RGS6: variants seen among roughly 807,000 people sequenced by gnomAD.
The protein encoded by RGS6 is regulator of G-protein signaling 6.
Under a neutral mutation model 78.5 loss-of-function variants are expected in RGS6, and 30 were observed. The ratio of observed to expected loss-of-function variants is 0.38; its 90% CI spans 0.29 to 0.52. RGS6 has a LOEUF of 0.52. RGS6 is among the 20% of genes least tolerant of loss of function. The probability of loss-of-function intolerance (pLI) is 0.85; values close to 1 mark genes in which losing one functional copy is unlikely to be tolerated. For missense variants in RGS6, 495 were observed against 609.7 expected (o/e 0.81, Z 1.98); for synonymous variants, 206 against 206.0 (o/e 1.00, Z 0.00).
chr14:72,470,652 G>GT (rs1272530542), intron 8 of RGS6, among the ~76,000 whole-genome samples: 4 of 151,738 alleles, frequency 2.6e-5, no homozygotes, highest in Admixed American at 2.6e-4. Flanking sequence ...CCGAGGTGGG[G>GT]GTGGATCACC....
chr14:72,364,478 A>G (rs2082096652), intron 3 of RGS6, among the ~76,000 whole-genome samples: 1 of 152,330 alleles, frequency 6.6e-6, no homozygotes, highest in Admixed American at 6.5e-5. Flanking sequence ...CAGACTTTCT[A>G]GCCATTTGAG....
In RGS6 at chr14:72,294,092, G is replaced by A. The variant is rs144096634; in HGVS notation, c.85-58003G>A. Among the ~76,000 whole-genome samples, 568 of 152,298 alleles carry A rather than the reference G, an allele frequency of 3.7e-3. 1 individual carries two copies. The highest frequency in any genetic ancestry group is 5.0e-3 in the Non-Finnish European group (343 of 68,030). On this transcript the variant is annotated intron_variant, in intron 2 of 17. Coordinates refer to ENST00000553525, the MANE Select transcript of RGS6 (RefSeq NM_001204424.2). The stretch of plus-strand genomic sequence containing the variant: ...TGCTTCTCCACGCCTTCCACCACAA[G>A]AGGTCCTTTTTGTAATTCAGACAGA...
intron 6 of RGS6, among the ~76,000 whole-genome samples, chr14:72,464,397 C>T (rs7159439): frequency 0.76 from 116,040 of 152,106 alleles, 45,081 homozygotes; most frequent in East Asian, 0.97. Context: ...CAACTGACTC[C>T]TATGAGCACA....
chr14:72,459,021 AC>A (rs2095707174), intron 5 of RGS6, among the ~76,000 whole-genome samples: 1 of 152,164 alleles, frequency 6.6e-6, no homozygotes, highest in Non-Finnish European at 1.5e-5. Flanking sequence ...AGAGGAGAAA[AC>A]TGAATTGCTC....
chr14:71,885,243 G>A, the RGS6 span, among the ~76,000 whole-genome samples: 4 of 152,092 alleles, frequency 2.6e-5, no homozygotes, highest in South Asian at 4.2e-4. Flanking sequence ...TTTCTACTCC[G>A]TCGACACTAA....
intron 15 of RGS6, among the ~76,000 whole-genome samples, chr14:72,531,797 G>A (rs2097186463): frequency 6.6e-6 from 1 of 152,172 alleles, no homozygotes; most frequent in African/African-American, 2.4e-5. Flanking sequence ...CTTATTGTTT[G>A]TAGTGAGAAC....
intron 3 of RGS6, among the ~76,000 whole-genome samples, chr14:72,364,015 A>C (rs923496090): frequency 2.7e-5 from 4 of 150,562 alleles, no homozygotes; most frequent in Non-Finnish European, 5.9e-5. Context: ...AAAAAAAAAA[A>C]AAAAAAAAAA....
At chr14:72,177,583 A>G (rs778056653) in intron 2 of RGS6, among the ~76,000 whole-genome samples, 7 of 152,202 alleles carry the variant, frequency 4.6e-5, no homozygotes, top group Admixed American at 6.5e-5. Flanking sequence ...AGGTAGATTT[A>G]AGTAATGGAA....
chr14:72,549,239 G>GTTTTTTTT (rs1224321539), intron 17 of RGS6, among the ~76,000 whole-genome samples: 31 of 146,560 alleles, frequency 2.1e-4, no homozygotes, highest in South Asian at 2.3e-4. Context: ...CTTCTTTTCT[G>GTTTTTTTT]TTTTTTGTTT....
chr14:72,053,128 C>CCTTT (rs1385895038), intron 2 of RGS6, among the ~76,000 whole-genome samples: 2 of 106,586 alleles, frequency 1.9e-5, no homozygotes, highest in South Asian at 7.8e-4. Context: ...TTCCTTCCTT[C>CCTTT]CTTTCTTTTT....
At chr14:71,936,730 A>G (rs2089470071) in intron 1 of RGS6, among the ~76,000 whole-genome samples, 1 of 152,238 alleles carries the variant, frequency 6.6e-6, no homozygotes, top group Admixed American at 6.5e-5. Flanking sequence ...ATGTCACATG[A>G]TAAAGGAAAA....
At chr14:72,487,313 A>G (rs74958118) in intron 12 of RGS6, among the ~76,000 whole-genome samples, 1,780 of 152,370 alleles carry the variant, frequency 0.012, 40 homozygotes, top group African/African-American at 0.041. Context: ...AGTAAGAAAT[A>G]CATAATAATA....
At chr14:71,980,994 C>G (rs1422392099) in intron 2 of RGS6, among the ~76,000 whole-genome samples, 3 of 142,276 alleles carry the variant, frequency 2.1e-5, no homozygotes. Flanking sequence ...CTTCCCTTCT[C>G]ACTTCATTTC....
intron 2 of RGS6, among the ~76,000 whole-genome samples, chr14:72,118,976 C>T (rs972904210): frequency 5.9e-5 from 9 of 152,078 alleles, no homozygotes; most frequent in African/African-American, 1.9e-4. Context: ...GACATTAGTC[C>T]ATTCTTTTGC....
Position 72,562,548 on chromosome 14 carries a change from T to A in RGS6, c.*81T>A. On this transcript the variant is annotated 3_prime_UTR_variant, in exon 18 of 18. Transcript: ENST00000553525. The stretch of plus-strand genomic sequence containing the variant: ...GCGCTCCACATCTGCGGACAGAGTT[T>A]CCTTACGAGGAGACTTGGTCACTGT... 6.3e-7 allele frequency: 1 copy of A among 1,589,896 alleles called. No individual in the cohort carries two copies. The highest frequency in any genetic ancestry group is 8.5e-7 in the Non-Finnish European group (1 of 1,174,012).
At chr14:72,103,021 T>C (rs2095558594) in intron 2 of RGS6, among the ~76,000 whole-genome samples, 1 of 152,132 alleles carries the variant, frequency 6.6e-6, no homozygotes, top group Non-Finnish European at 1.5e-5. Flanking sequence ...CTGATCAGAG[T>C]TAAACATTGT....
At chr14:72,576,450 C>T in the RGS6 span, among the ~76,000 whole-genome samples, 1 of 152,150 alleles carries the variant, frequency 6.6e-6, no homozygotes, top group Non-Finnish European at 1.5e-5. Context: ...GATGTCATTC[C>T]TTTCATATAC....
Position 72,147,959 on chromosome 14 carries a change from A to G in RGS6, c.84+183084A>G, listed in dbSNP as rs188897264. On this transcript the variant is annotated intron_variant, in intron 2 of 17. Transcript: ENST00000553525. ...ATCCTGGCTAACATGGTGAAACCCC[A>G]TCTCTACTAAAAATACAAAAAATTA... 3.2e-4 allele frequency among the ~76,000 whole-genome samples: 49 copies of G among 152,112 alleles called. No homozygotes were observed. In the South Asian group the frequency reaches 4.4e-3, roughly 14 times the overall value.
intron 2 of RGS6, among the ~76,000 whole-genome samples, chr14:72,231,323 T>G (rs1014564377): frequency 1.3e-4 from 20 of 152,382 alleles, no homozygotes; most frequent in African/African-American, 4.3e-4. Flanking sequence ...GTCAAGGAAC[T>G]GACACTACAT....
Sources: gnomAD v4.1 joint callset for allele counts (sites outside exome capture counted in the v4.1 genomes callset) on GRCh38, gnomAD v4.1.1 for gene constraint, MANE v1.5 for transcripts, NCBI Gene and HGNC (gene_info 2026-07-23, HGNC 2026-07-21) for gene names.